The following CCDC30 variants were observed in gnomAD, a reference collection of about 807,000 sequenced individuals.
CCDC30 encodes the protein coiled-coil domain containing 30.
A neutral mutation model predicts 100.2 loss-of-function variants in CCDC30; 70 were observed. The observed-to-expected ratio is 0.70, with a 90% CI of 0.58 to 0.85. The LOEUF is 0.85. CCDC30 is among the 40% of genes least tolerant of loss of function. The pLI, the probability that CCDC30 is intolerant of heterozygous loss-of-function variation, is 0.00. For synonymous variants in CCDC30, 233 were observed against 269.5 expected, an observed-to-expected ratio of 0.86 and a Z score of 1.33; for missense variants, 652 against 771.2, an observed-to-expected ratio of 0.85 and a Z score of 1.83.
chr1:42,642,036 T>C lies in CCDC30; in HGVS notation c.1420-437T>C, dbSNP rs2147314. 2.6e-3 allele frequency among the ~76,000 whole-genome samples: 400 copies of C among 151,904 alleles called. 1 individual carries two copies. The highest frequency in any genetic ancestry group is 0.013 in the South Asian group (64 of 4,810). The stretch of plus-strand genomic sequence containing the variant: ...GTCAGGAGATCGAGACCATCCTGGC[T>C]AACACGGTGAAACCCCATCTCTACT... On this transcript the variant is annotated intron_variant, in intron 12 of 16. Coordinates refer to ENST00000668663, the Ensembl canonical transcript of CCDC30.
At chr1:42,520,605 C>G (rs1478248102) in intron 6 of CCDC30, among the ~76,000 whole-genome samples, 4 of 144,914 alleles carry the variant, frequency 2.8e-5, no homozygotes, top group Non-Finnish European at 6.0e-5. Context: ...GCTAAGATTA[C>G]AGGCATGAGC....
intron 6 of CCDC30, among the ~76,000 whole-genome samples, chr1:42,565,981 T>G (rs962141520): frequency 6.6e-6 from 1 of 152,128 alleles, no homozygotes; most frequent in African/African-American, 2.4e-5. Flanking sequence ...GAACTTCCCA[T>G]TTTAAATGTG....
At chr1:42,643,819 G>C (rs557380816) in intron 13 of CCDC30, among the ~76,000 whole-genome samples, 2 of 152,314 alleles carry the variant, frequency 1.3e-5, no homozygotes, top group South Asian at 4.1e-4. Flanking sequence ...GCAAGTACTT[G>C]AAACATGGTT....
At chr1:42,637,416 T>G (rs1485496018) in intron 12 of CCDC30, 38 bp downstream of exon 16, 1 of 1,588,650 alleles carries the variant, frequency 6.3e-7, no homozygotes, top group African/African-American at 1.4e-5. Flanking sequence ...TCACTGGTGA[T>G]TCCCATGGTC....
At chr1:42,557,534 G>T (rs1360613681) in intron 6 of CCDC30, among the ~76,000 whole-genome samples, 1 of 150,924 alleles carries the variant, frequency 6.6e-6, no homozygotes, top group Non-Finnish European at 1.5e-5. Flanking sequence ...CAATAGGAAT[G>T]AACTTGCCAT....
chr1:42,591,217 G>A (rs886288893), intron 10 of CCDC30: 2 of 152,244 alleles, frequency 1.3e-5, no homozygotes, highest in Admixed American at 1.3e-4. Flanking sequence ...TGGGAGCCAA[G>A]TGCTAGTATC....
chr1:42,577,441 G>T (rs1395067353), intron 8 of CCDC30, among the ~76,000 whole-genome samples: 1 of 152,070 alleles, frequency 6.6e-6, no homozygotes, highest in Non-Finnish European at 1.5e-5. Context: ...GCTTAAAAAG[G>T]TCAGTTTTAT....
At chr1:42,525,973 A>G (rs963395620) in intron 6 of CCDC30, among the ~76,000 whole-genome samples, 1 of 152,140 alleles carries the variant, frequency 6.6e-6, no homozygotes. Flanking sequence ...CTCAGTATTC[A>G]GGAAAGACTT....
Position 42,638,712 on chromosome 1 carries a change from G to T in CCDC30, c.1419+1334G>T, listed in dbSNP as rs1000703959. ...AACATGGTGAAATCCCATCTCTACT[G>T]AAAATACAAAAAAATTAGCCGAGCA... On this transcript the variant is annotated intron_variant, in intron 12 of 16. Transcript: ENST00000668663. 2.0e-5 allele frequency among the ~76,000 whole-genome samples: 3 copies of T among 151,876 alleles called. No individual in the cohort carries two copies. In the East Asian group the frequency reaches 5.8e-4, roughly 29 times the overall value.
chr1:42,478,999 T>C (rs1428192349), intron 1 of CCDC30, among the ~76,000 whole-genome samples: 1 of 152,048 alleles, frequency 6.6e-6, no homozygotes, highest in African/African-American at 2.4e-5. Context: ...CCTAGACTAG[T>C]AAAAAAACTG....
chr1:42,565,113 C>T (rs763713000), intron 6 of CCDC30, among the ~76,000 whole-genome samples: 8 of 152,064 alleles, frequency 5.3e-5, no homozygotes, highest in Non-Finnish European at 1.2e-4. Flanking sequence ...TTGATTGACA[C>T]TTATGGAAAA....
rs186101180 is a variant in CCDC30, at chr1:42,627,595, C to T, written c.1278-9642C>T. Among the ~76,000 whole-genome samples, 32 of 152,250 alleles carry T rather than the reference C, an allele frequency of 2.1e-4. 1 individual carries two copies. In the East Asian group the frequency reaches 4.1e-3, roughly 19 times the overall value. On this transcript the variant is annotated intron_variant, in intron 11 of 16. Transcript: ENST00000668663. ...AGGAGGAAAAAGTGGTTTTGTGAGC[C>T]GGTCCCAGGGTCCCCATACTGTGTT...
chr1:42,588,197 G>A (rs1646115191), intron 9 of CCDC30, among the ~76,000 whole-genome samples: 1 of 152,088 alleles, frequency 6.6e-6, no homozygotes. Flanking sequence ...GACTGGGAGG[G>A]TACATTTCTA....
chr1:42,622,958 T>G (rs1570278387), intron 11 of CCDC30, among the ~76,000 whole-genome samples: 3 of 152,234 alleles, frequency 2.0e-5, no homozygotes, highest in Non-Finnish European at 4.4e-5. Context: ...ATTGTAGTTT[T>G]GATTTGCATT....
chr1:42,598,242 C>G (rs1366064631), intron 10 of CCDC30, among the ~76,000 whole-genome samples: 1 of 151,802 alleles, frequency 6.6e-6, no homozygotes, highest in Non-Finnish European at 1.5e-5. Flanking sequence ...GGAAGCTGGG[C>G]ATGGTGGCTC....
At chr1:42,595,174 G>A (rs1355989433) in intron 10 of CCDC30, 2 of 152,064 alleles carry the variant, frequency 1.3e-5, no homozygotes, top group East Asian at 3.8e-4. Context: ...GTCTAGATCC[G>A]AGTTATATAT....
intron 1 of CCDC30, among the ~76,000 whole-genome samples, chr1:42,467,186 C>A (rs1643617833): frequency 6.6e-6 from 1 of 152,054 alleles, no homozygotes. Context: ...ATATCTGGTC[C>A]CAAGCTAAAG....
intron 6 of CCDC30, among the ~76,000 whole-genome samples, chr1:42,559,817 C>T (rs1645449622): frequency 6.6e-6 from 1 of 152,120 alleles, no homozygotes; most frequent in Non-Finnish European, 1.5e-5. Context: ...GAACTCTGTA[C>T]CCCAAATCAA....
At chr1:42,563,102 G>A (rs1381227137) in intron 6 of CCDC30, among the ~76,000 whole-genome samples, 2 of 152,124 alleles carry the variant, frequency 1.3e-5, no homozygotes, top group African/African-American at 2.4e-5. Flanking sequence ...TCCCATTACT[G>A]GGTATATACC....
Sources: allele counts gnomAD v4.1 joint callset (sites outside exome capture counted in the v4.1 genomes callset), GRCh38; gene constraint gnomAD v4.1.1; transcripts MANE v1.5; gene names NCBI Gene and HGNC (gene_info 2026-07-23, HGNC 2026-07-21).